Variants in ODF4 observed in about 807,000 individuals in gnomAD.
The protein encoded by ODF4 is outer dense fiber protein 4.
ODF4 carries 11 observed loss-of-function variants against 17.0 expected under a neutral mutation model. The observed-to-expected ratio is 0.65, with a 90% CI of 0.41 to 1.07. The LOEUF (loss-of-function observed/expected upper bound fraction) is 1.07. ODF4 is among the 50% of genes least tolerant of loss of function. ODF4 has a pLI of 0.00. For missense variants in ODF4, 281 were observed against 310.2 expected (o/e 0.91, Z 0.71); for synonymous variants, 127 against 121.8 (o/e 1.04, Z -0.28).
At position 8,340,072 on chromosome 17, in the gene ODF4, G is replaced by A. The variant is rs1488271032; in HGVS notation, c.21G>A (p.Gly7=). 12 of 1,523,040 alleles carry A rather than the reference G, an allele frequency of 7.9e-6. No individual in the cohort carries two copies. In the African/African-American group the frequency reaches 1.7e-4, roughly 21 times the overall value. 94.3% of individuals were successfully genotyped at this position (1,523,040 alleles called of 1,614,324 possible). A position where few individuals can be genotyped will look rare whatever the true frequency, so the allele number is the denominator to read the frequency against. The change falls in exon 1 of 3, where the codon GGG becomes GGA. Residue 7 remains glycine, a synonymous_variant. Coordinates refer to ENST00000328248, the MANE Select transcript of ODF4 (RefSeq NM_153007.5). Reference sequence around the variant, plus strand: ...TCAAGATGGATGCAGAGTACTCTGGGAATGAGTTCCCCAGGTCAGAAGGAG... The same window carrying A: ...TCAAGATGGATGCAGAGTACTCTGGAAATGAGTTCCCCAGGTCAGAAGGAG... The part of the protein sequence containing the change: MDAEYS[G]NEFPRSEGER...
chr17:8,342,297 T>A (rs1906051900), intron 1 of ODF4, among the ~76,000 whole-genome samples: 1 of 152,168 alleles, frequency 6.6e-6, no homozygotes, highest in Non-Finnish European at 1.5e-5. Context: ...CAGGCTGGAA[T>A]GCAGTTGCGG....
Position 8,345,538 on chromosome 17 carries a change from T to C in ODF4, c.589+61T>C. On this transcript the variant is annotated intron_variant, in intron 2 of 2. Transcript: ENST00000328248. This position sits in a 1 kb window ranked among gnomAD's most constrained non-coding sequence, Gnocchi z 4.1. ...CATGGGTAGGGTAGGGCAGGGAAAG[T>C]GTGGAGGGAAGAGGCTGGCAATCCC... The C allele has an allele frequency of 6.3e-7, 1 of 1,586,750 alleles. No individual in the cohort carries two copies. The highest frequency in any genetic ancestry group is 8.6e-7 in the Non-Finnish European group (1 of 1,160,480).
Position 8,345,531 on chromosome 17 carries a change from G to C in ODF4, c.589+54G>C, listed in dbSNP as rs1251661462. 5 of 1,595,160 alleles carry C rather than the reference G, an allele frequency of 3.1e-6. No individual in the cohort carries two copies. The highest frequency in any genetic ancestry group is 4.3e-6 in the Non-Finnish European group (5 of 1,167,126). Reference sequence around the variant, plus strand: ...GAAGCGACATGGGTAGGGTAGGGCAGGGAAAGTGTGGAGGGAAGAGGCTGG... The same window carrying C: ...GAAGCGACATGGGTAGGGTAGGGCACGGAAAGTGTGGAGGGAAGAGGCTGG... On this transcript the variant is annotated intron_variant, in intron 2 of 2. Transcript: ENST00000328248. This position sits in a 1 kb window ranked among gnomAD's most constrained non-coding sequence, Gnocchi z 4.1.
At position 8,345,419 on chromosome 17, in the gene ODF4, C is replaced by A; in HGVS notation, c.531C>A (p.Ile177=). Residue 177 remains isoleucine, a synonymous_variant, in exon 2 of 3, where the codon ATC becomes ATA. Transcript: ENST00000328248. The surrounding 1 kb of genome is among the most constrained non-coding windows in gnomAD (Gnocchi z 4.1). ...WIFELERNVS[I]PIGWSYFIGW... ...TCGAGTTGGAAAGGAATGTATCCAT[C>A]CCCATAGGCTGGAGCTATTTCATTG... The A allele has an allele frequency of 1.2e-6, 2 of 1,613,520 alleles. No individual in the cohort carries two copies. Among genetic ancestry groups the A allele is most frequent in the Non-Finnish European group, 1.7e-6 (2 of 1,179,428 alleles).
chr17:8,346,022 T>C lies in ODF4; in HGVS notation c.*170T>C. On this transcript the variant is annotated 3_prime_UTR_variant, in exon 3 of 3. Coordinates refer to ENST00000328248, the MANE Select transcript of ODF4 (RefSeq NM_153007.5). ...TTGATTGAGCTTGAGTGATGTGGAA[T>C]AAATTGTCCGTCTCTTCTTTCTCAT... The C allele has an allele frequency of 1.8e-6, 1 of 555,338 alleles. No individual in the cohort carries two copies. Among genetic ancestry groups the C allele is most frequent in the South Asian group, 2.7e-5 (1 of 37,586 alleles). 34.4% of individuals were successfully genotyped at this position (555,338 alleles called of 1,614,324 possible). A position where few individuals can be genotyped will look rare whatever the true frequency, so the allele number is the denominator to read the frequency against.
rs750171556 is a variant in ODF4, at chr17:8,340,003, T to C, written c.-49T>C. 1.1e-5 allele frequency: 13 copies of C among 1,216,222 alleles called. No individual in the cohort carries two copies. In the East Asian group the frequency reaches 2.2e-4, roughly 20 times the overall value. 75.3% of individuals were successfully genotyped at this position (1,216,222 alleles called of 1,614,324 possible). On this transcript the variant is annotated 5_prime_UTR_variant, in exon 1 of 3. Transcript: ENST00000328248. ...ATATCCAAAAGATGAGAAGAGACAA[T>C]TGAGTCTGGTGAGGGAAAGGGGAGA... is the stretch of plus-strand genomic sequence containing the variant.
chr17:8,342,338 T>G (rs58424138), intron 1 of ODF4, among the ~76,000 whole-genome samples: 52,406 of 151,556 alleles, frequency 0.35, 9,360 homozygotes, highest in African/African-American at 0.45. Flanking sequence ...TGCCTCCCGG[T>G]TTCAAGCGAT....
Position 8,345,688 on chromosome 17 carries a change from C to A in ODF4, c.610C>A (p.His204Asn). ...CCCAGCGATCCTTTGCTACTTCAAC[C>A]ATAAAAGTTTCTGGAGTCTGATTCT... ...FTCAILCYFNHKSFWSLILSH... is the reference protein window; with the variant it reads ...FTCAILCYFNNKSFWSLILSH... Residue 204 changes from histidine (H) to asparagine (N), a missense_variant, in exon 3 of 3, where the codon CAT (histidine) becomes AAT (asparagine). Coordinates refer to ENST00000328248, the MANE Select transcript of ODF4 (RefSeq NM_153007.5). The surrounding 1 kb of genome is among the most constrained non-coding windows in gnomAD (Gnocchi z 4.1). 1 of 1,614,062 alleles carries A rather than the reference C, an allele frequency of 6.2e-7. No homozygotes were observed. The highest frequency in any genetic ancestry group is 1.1e-5 in the South Asian group (1 of 91,074).
At chr17:8,341,128 T>C (rs1905995595) in intron 1 of ODF4, among the ~76,000 whole-genome samples, 1 of 149,974 alleles carries the variant, frequency 6.7e-6, no homozygotes, top group Admixed American at 6.7e-5. Flanking sequence ...AGGTGGAGGT[T>C]GCGGTGAGCC....
In ODF4 at chr17:8,344,055, C is replaced by T. The variant is rs1243621891; in HGVS notation, c.455-1288C>T. On this transcript the variant is annotated intron_variant, in intron 1 of 2. Transcript: ENST00000328248. Reference sequence around the variant, plus strand: ...CTGCCCACCTCGGCCTCCCAAAGTGCTAGGATTACAGGGGTGAGCCACTGC... The same window carrying T: ...CTGCCCACCTCGGCCTCCCAAAGTGTTAGGATTACAGGGGTGAGCCACTGC... Among the ~76,000 whole-genome samples the T allele has an allele frequency of 1.6e-5, 2 of 125,290 alleles. 1 individual carries two copies. The highest frequency in any genetic ancestry group is 4.6e-4 in the East Asian group (2 of 4,368). 82.2% of individuals were successfully genotyped at this position (125,290 alleles called of 152,430 possible).
intron 1 of ODF4, among the ~76,000 whole-genome samples, chr17:8,340,978 T>C (rs4791531): frequency 0.62 from 93,540 of 151,460 alleles, 29,231 homozygotes; most frequent in Middle Eastern, 0.76. Context: ...CACCTAAGGT[T>C]GGGAGATCGA....
In ODF4 at chr17:8,345,735, G is replaced by A. The variant is rs1427737914; in HGVS notation, c.657G>A (p.Val219=). The A allele has an allele frequency of 6.2e-6, 10 of 1,613,954 alleles. No individual in the cohort carries two copies. The highest frequency in any genetic ancestry group is 7.6e-6 in the Non-Finnish European group (9 of 1,179,984). Residue 219 remains valine, a synonymous_variant, in exon 3 of 3, where the codon GTG becomes GTA. Transcript: ENST00000328248. This position sits in a 1 kb window ranked among gnomAD's most constrained non-coding sequence, Gnocchi z 4.1. ...TTCTGAGCCACCCCAGTGGTGCCGT[G>A]TCCTGCAGCAGCAGTTTCGGCTCAG... ...SLILSHPSGA[V]SCSSSFGSVE... is the part of the protein sequence containing the mutation.
Position 8,345,901 on chromosome 17 carries a change from TCTC to T in ODF4, c.*53_*55del. 6.7e-7 allele frequency: 1 copy of T among 1,497,422 alleles called. No homozygotes were observed. Among genetic ancestry groups the T allele is most frequent in the Non-Finnish European group, 9.3e-7 (1 of 1,079,748 alleles). 92.8% of individuals were successfully genotyped at this position (1,497,422 alleles called of 1,614,324 possible). A position where few individuals can be genotyped will look rare whatever the true frequency, so the allele number is the denominator to read the frequency against. On this transcript the variant is annotated 3_prime_UTR_variant, in exon 3 of 3. Transcript: ENST00000328248. This position sits in a 1 kb window ranked among gnomAD's most constrained non-coding sequence, Gnocchi z 4.1. The stretch of plus-strand genomic sequence containing the variant: ...AGTTCTGTCCATTCATCTGACCCCA[TCTC>T]CTCATCCTCCCCCAGCCCTTGAATA...
intron 1 of ODF4, among the ~76,000 whole-genome samples, chr17:8,340,757 T>C (rs1476583522): frequency 6.6e-6 from 1 of 152,018 alleles, no homozygotes; most frequent in Admixed American, 6.6e-5. Flanking sequence ...CTTCTAAGAA[T>C]GCTGTGAGAG....
intron 1 of ODF4, among the ~76,000 whole-genome samples, chr17:8,343,914 C>A (rs1182386604): frequency 8.2e-6 from 1 of 121,416 alleles, no homozygotes; most frequent in African/African-American, 3.5e-5. Flanking sequence ...CTCAGCTTCC[C>A]AGCAGCTGGG....
intron 1 of ODF4, 57 bp downstream of exon 1, chr17:8,340,562 A>T (rs985695268): frequency 2.0e-6 from 2 of 1,002,830 alleles, no homozygotes; most frequent in Non-Finnish European, 3.1e-6. Flanking sequence ...TGGCCTCTGT[A>T]TCTGCACCCT....
In ODF4 at chr17:8,345,584, C is replaced by A. The variant is rs1906210855; in HGVS notation, c.590-84C>A. 4 of 1,522,398 alleles carry A rather than the reference C, an allele frequency of 2.6e-6. No individual in the cohort carries two copies. In the African/African-American group the frequency reaches 4.1e-5, roughly 16 times the overall value. The allele number at this position is 1,522,398 out of a possible 1,614,324, so 94.3% of individuals were successfully genotyped here. On this transcript the variant is annotated intron_variant, in intron 2 of 2. Coordinates refer to ENST00000328248, the MANE Select transcript of ODF4 (RefSeq NM_153007.5). The surrounding 1 kb of genome is among the most constrained non-coding windows in gnomAD (Gnocchi z 4.1). ...ATCCCCAGGGCTAGATTTTTAGGGT[C>A]TTATCTTCCCTTTGGTCTCACCCTA...
rs1478655990 is a variant in ODF4, at chr17:8,345,119, G to A, written c.455-224G>A. ...GGGCACTTCTCCCTCTTCTTTGGGG[G>A]TGGTATGAGGGTTTTGTGGGTGGTG... On this transcript the variant is annotated intron_variant, in intron 1 of 2. Transcript: ENST00000328248. This position sits in a 1 kb window ranked among gnomAD's most constrained non-coding sequence, Gnocchi z 4.1. 3 of 818,924 alleles carry A rather than the reference G, an allele frequency of 3.7e-6. No individual in the cohort carries two copies. Among genetic ancestry groups the A allele is most frequent in the South Asian group, 4.7e-5 (2 of 42,488 alleles). 50.7% of individuals were successfully genotyped at this position (818,924 alleles called of 1,614,324 possible).
chr17:8,343,403 G>A lies in ODF4; in HGVS notation c.455-1940G>A, dbSNP rs1048759709. The stretch of plus-strand genomic sequence containing the variant: ...CCACCTCAGCCTCTCAAAGTACTGG[G>A]ATTATAGGCGTGAGCCAGCACACCC... On this transcript the variant is annotated intron_variant, in intron 1 of 2. Coordinates refer to ENST00000328248, the MANE Select transcript of ODF4 (RefSeq NM_153007.5). Among the ~76,000 whole-genome samples the A allele has an allele frequency of 1.4e-4, 15 of 110,208 alleles. 4 individuals are homozygous for A. In the South Asian group the frequency reaches 3.1e-3, roughly 22 times the overall value. The allele number at this position is 110,208 out of a possible 152,430, so 72.3% of individuals were successfully genotyped here.
Sources: allele counts gnomAD v4.1 joint callset (sites outside exome capture counted in the v4.1 genomes callset), GRCh38; gene constraint gnomAD v4.1.1; non-coding constraint Gnocchi (gnomAD v3.1); transcripts MANE v1.5; gene names NCBI Gene and HGNC (gene_info 2026-07-23, HGNC 2026-07-21).